COL23A1: variants seen among roughly 807,000 people sequenced by gnomAD.
The protein encoded by COL23A1 is collagen alpha-1(XXIII) chain.
A neutral mutation model predicts 99.3 loss-of-function variants in COL23A1; 97 were observed. That is an observed-to-expected ratio of 0.98 (90% CI 0.83 to 1.16). COL23A1 has a LOEUF of 1.16. COL23A1 is among the 50% of genes most tolerant of loss of function. The pLI is 0.00. For missense variants in COL23A1, 762 were observed against 757.4 expected, an observed-to-expected ratio of 1.01 and a Z score of -0.07; for synonymous variants, 320 against 308.2, an observed-to-expected ratio of 1.04 and a Z score of -0.40.
At chr5:178,560,644 G>C in intron 2 of COL23A1, 38 bp downstream of exon 2, 2 of 1,586,318 alleles carry the variant, frequency 1.3e-6, no homozygotes, top group Non-Finnish European at 1.7e-6. Flanking sequence ...AACGGCGGCC[G>C]AACGCAGGAG....
chr5:178,404,105 A>G (rs1418809809), intron 2 of COL23A1, among the ~76,000 whole-genome samples: 2 of 152,210 alleles, frequency 1.3e-5, no homozygotes, highest in Non-Finnish European at 2.9e-5. Flanking sequence ...CCATTCATGT[A>G]GTGAACAGTC....
rs1756864454 is a variant in COL23A1, at chr5:178,280,935, G to T, written c.441+7389C>A. Among the ~76,000 whole-genome samples, 1 of 152,178 alleles carries T rather than the reference G, an allele frequency of 6.6e-6. No homozygotes were observed. The highest frequency in any genetic ancestry group is 1.5e-5 in the Non-Finnish European group (1 of 68,024). On this transcript the variant is annotated intron_variant, in intron 5 of 28. Coordinates refer to ENST00000390654, the MANE Select transcript of COL23A1 (RefSeq NM_173465.4). This position sits in a 1 kb window ranked among gnomAD's most constrained non-coding sequence, Gnocchi z 4.9. ...CCTGGGGTGGCCGCCTCCTGTGAAT[G>T]GGCTGCCCCACATGGGACACTCACG...
intron 5 of COL23A1, among the ~76,000 whole-genome samples, chr5:178,278,673 C>CT (rs1413081702): frequency 6.6e-6 from 1 of 151,856 alleles, no homozygotes; most frequent in African/African-American, 2.4e-5. Context: ...GCCAGGCCCC[C>CT]TACCTCCTGC....
chr5:178,502,400 G>A (rs1300390005), intron 2 of COL23A1, among the ~76,000 whole-genome samples: 1 of 152,194 alleles, frequency 6.6e-6, no homozygotes, highest in East Asian at 1.9e-4. Context: ...CAAAGTGCTG[G>A]GATTACAGGC....
chr5:178,580,496 A>G (rs1488087820), intron 1 of COL23A1, among the ~76,000 whole-genome samples: 5 of 151,690 alleles, frequency 3.3e-5, no homozygotes, highest in Admixed American at 1.3e-4. Context: ...GTTCGTGCTT[A>G]GTCCTGAAAT....
At chr5:178,475,049 C>T (rs548257977) in intron 2 of COL23A1, among the ~76,000 whole-genome samples, 51 of 152,296 alleles carry the variant, frequency 3.3e-4, no homozygotes, top group African/African-American at 1.1e-3. Context: ...CCTTCACAGT[C>T]ACATGGCAGC....
chr5:178,435,791 C>A (rs1264935823), intron 2 of COL23A1, among the ~76,000 whole-genome samples: 1 of 152,178 alleles, frequency 6.6e-6, no homozygotes, highest in East Asian at 1.9e-4. Flanking sequence ...AGAGGGCACC[C>A]CCATCCCCCT....
At chr5:178,490,462 C>A (rs182033623) in intron 2 of COL23A1, among the ~76,000 whole-genome samples, 2 of 151,914 alleles carry the variant, frequency 1.3e-5, no homozygotes, top group Non-Finnish European at 2.9e-5. Context: ...TGGGAAGTTG[C>A]GTTTAATGGG....
chr5:178,498,205 A>AATAT lies in COL23A1; in HGVS notation c.361+62473_361+62476dup, dbSNP rs1159261586. On this transcript the variant is annotated intron_variant, in intron 2 of 28. Coordinates refer to ENST00000390654, the MANE Select transcript of COL23A1 (RefSeq NM_173465.4). ...CATGGCGAGACCCTGTCTTTATTTA[A>AATAT]ATATATATATATATATATATATATA... Among the ~76,000 whole-genome samples, 189 of 34,296 alleles carry AATAT rather than the reference A, an allele frequency of 5.5e-3. 1 individual carries two copies. The highest frequency in any genetic ancestry group is 7.6e-3 in the South Asian group (7 of 926). 22.5% of individuals were successfully genotyped at this position (34,296 alleles called of 152,430 possible).
chr5:178,327,292 T>C (rs986579264), intron 2 of COL23A1, among the ~76,000 whole-genome samples: 3 of 152,058 alleles, frequency 2.0e-5, no homozygotes, highest in African/African-American at 7.2e-5. Flanking sequence ...TACAGCACAG[T>C]GTGGGAAACG....
At chr5:178,249,980 C>G in intron 18 of COL23A1, 81 bp downstream of exon 18, 4 of 1,447,798 alleles carry the variant, frequency 2.8e-6, no homozygotes, top group Non-Finnish European at 3.8e-6. Flanking sequence ...TGCACACATG[C>G]ACACGCACAC....
At chr5:178,420,505 T>C (rs981973545) in intron 2 of COL23A1, among the ~76,000 whole-genome samples, 1 of 42,366 alleles carries the variant, frequency 2.4e-5, no homozygotes, top group Non-Finnish European at 4.3e-5. Context: ...CCCTCCCCCC[T>C]TTTTCCTCCT....
intron 1 of COL23A1, among the ~76,000 whole-genome samples, chr5:178,569,887 A>G (rs1156924388): frequency 6.6e-6 from 1 of 152,108 alleles, no homozygotes; most frequent in Non-Finnish European, 1.5e-5. Context: ...ATCCCTTCCA[A>G]GGGCTCACTT....
intron 2 of COL23A1, among the ~76,000 whole-genome samples, chr5:178,323,953 C>T (rs1268683519): frequency 1.3e-5 from 2 of 152,162 alleles, no homozygotes; most frequent in Admixed American, 6.5e-5. Context: ...GATGAAAACC[C>T]GGATGTGTTC....
At chr5:178,564,722 A>G (rs1354168379) in intron 1 of COL23A1, among the ~76,000 whole-genome samples, 1 of 152,182 alleles carries the variant, frequency 6.6e-6, no homozygotes, top group African/African-American at 2.4e-5. Context: ...AGCATTCATG[A>G]CATGGTCAGA....
chr5:178,267,174 G>A (rs1186599212), intron 8 of COL23A1, 133 bp downstream of exon 8: 11 of 960,218 alleles, frequency 1.1e-5, no homozygotes, highest in Non-Finnish European at 1.8e-5. Context: ...TGCTATGGGT[G>A]GGGAAGAGCC....
At chr5:178,523,728 T>C (rs554370598) in intron 2 of COL23A1, 27 of 152,278 alleles carry the variant, frequency 1.8e-4, no homozygotes, top group Non-Finnish European at 2.4e-4. Flanking sequence ...AAAAAATTCA[T>C]TGAAACCCGG....
chr5:178,330,235 G>A (rs1033499784), intron 2 of COL23A1, among the ~76,000 whole-genome samples: 1 of 152,180 alleles, frequency 6.6e-6, no homozygotes, highest in South Asian at 2.1e-4. Flanking sequence ...ACTCACACAC[G>A]CACTGTATTC....
At chr5:178,532,056 C>T (rs761338925) in intron 2 of COL23A1, among the ~76,000 whole-genome samples, 3 of 152,228 alleles carry the variant, frequency 2.0e-5, no homozygotes, top group African/African-American at 7.2e-5. Flanking sequence ...TGAGTGCAGG[C>T]TGGCTGGGGT....
Sources: allele counts gnomAD v4.1 joint callset (sites outside exome capture counted in the v4.1 genomes callset), GRCh38; gene constraint gnomAD v4.1.1; non-coding constraint Gnocchi (gnomAD v3.1); transcripts MANE v1.5; gene names NCBI Gene and HGNC (gene_info 2026-07-23, HGNC 2026-07-21).